The following DAB2IP variants were observed in gnomAD, a reference collection of about 807,000 sequenced individuals.
The protein encoded by DAB2IP is disabled homolog 2-interacting protein.
Under a neutral mutation model 107.2 loss-of-function variants are expected in DAB2IP, and 28 were observed. That is an observed-to-expected ratio of 0.26 (90% CI 0.19 to 0.36). The LOEUF is 0.36. Among genes scored for constraint, DAB2IP ranks in the 10% least tolerant of loss-of-function variants. DAB2IP has a pLI of 1.00. For missense variants in DAB2IP, 1,400 were observed against 1,644.7 expected, an observed-to-expected ratio of 0.85 and a Z score of 2.57; for synonymous variants, 755 against 706.4, an observed-to-expected ratio of 1.07 and a Z score of -1.09.
chr9:121,571,865 T>C (rs1164307853), intron 1 of DAB2IP, among the ~76,000 whole-genome samples: 1 of 151,956 alleles, frequency 6.6e-6, no homozygotes, highest in African/African-American at 2.4e-5. Context: ...AGAGGTTTCT[T>C]TTACAGGACA....
At chr9:121,757,307 G>T in intron 4 of DAB2IP, 141 bp downstream of exon 4, 4 of 1,137,824 alleles carry the variant, frequency 3.5e-6, no homozygotes, top group East Asian at 2.7e-5. Context: ...AGTAGTTACC[G>T]ATAGCTTTCA....
In DAB2IP at chr9:121,635,634, T is replaced by C. The variant is rs1405640061; in HGVS notation, c.41-43044T>C. ...GGGCAACCACAGGAAGGAGGGGCGC[T>C]GAGATGGGAGCGAGGCCTTGGACAA... is the stretch of plus-strand genomic sequence containing the variant. On this transcript the variant is annotated intron_variant, in intron 1 of 16. Transcript: ENST00000259371. This position sits in a 1 kb window ranked among gnomAD's most constrained non-coding sequence, Gnocchi z 4.3. Among the ~76,000 whole-genome samples the C allele has an allele frequency of 6.6e-6, 1 of 152,058 alleles. No homozygotes were observed. The highest frequency in any genetic ancestry group is 1.5e-5 in the Non-Finnish European group (1 of 68,010).
chr9:121,674,815 C>T (rs1412455256), intron 1 of DAB2IP, among the ~76,000 whole-genome samples: 1 of 152,054 alleles, frequency 6.6e-6, no homozygotes, highest in Non-Finnish European at 1.5e-5. Context: ...ACTCCATGCA[C>T]CTCTTGCCTG....
chr9:121,569,359 T>C (rs973860220), intron 1 of DAB2IP, among the ~76,000 whole-genome samples: 8 of 152,156 alleles, frequency 5.3e-5, no homozygotes, highest in African/African-American at 1.9e-4. Context: ...ATGGGGGAAG[T>C]CAAGGCGTGT....
Position 121,783,915 on chromosome 9 carries a change from A to G in DAB2IP, c.*1417A>G, listed in dbSNP as rs1348743536. 1.3e-5 allele frequency: 4 copies of G among 305,608 alleles called. No homozygotes were observed. The East Asian group carries it at 2.5e-4, about 19-fold the overall frequency. The allele number at this position is 305,608 out of a possible 1,614,324, so 18.9% of individuals were successfully genotyped here. A position where few individuals can be genotyped will look rare whatever the true frequency, so the allele number is the denominator to read the frequency against. ...AGATTCTGAGCAAAGGCCCTGGGTA[A>G]GAAGGGTGGGAGTGGGGCCTTTGCC... On this transcript the variant is annotated 3_prime_UTR_variant, in exon 16 of 16. Coordinates refer to ENST00000408936, the Ensembl canonical transcript of DAB2IP.
chr9:121,763,821 C>T lies in DAB2IP; in HGVS notation c.1402C>T (p.Gln468Ter). ...CTCGGCCGCTGACCTCCCAGAGCACCAGGGCAACCTCAAGATGTGCTGCGA... is the reference window on the plus strand; with the variant it reads ...CTCGGCCGCTGACCTCCCAGAGCACTAGGGCAACCTCAAGATGTGCTGCGA... Residue 468 changes from glutamine to a stop codon, truncating the protein, a stop_gained, in exon 8 of 16, where the codon CAG becomes TAG. Transcript: ENST00000408936. LOFTEE classifies it high-confidence loss of function. The T allele has an allele frequency of 6.2e-7, 1 of 1,614,132 alleles. No homozygotes were observed. The highest frequency in any genetic ancestry group is 8.5e-7 in the Non-Finnish European group (1 of 1,180,038).
At chr9:121,784,008 A>G (rs1271322680) in exon 16 of DAB2IP, 1 of 210,102 alleles carries the variant, frequency 4.8e-6, no homozygotes, top group East Asian at 1.0e-4. Flanking sequence ...TGTGCCACAG[A>G]GGCCCCACCT....
intron 3 of DAB2IP, among the ~76,000 whole-genome samples, chr9:121,738,163 C>G (rs1249938938): frequency 6.6e-6 from 1 of 152,162 alleles, no homozygotes; most frequent in Non-Finnish European, 1.5e-5. Flanking sequence ...GCTCAGGGAA[C>G]CAGCATTTGG....
intron 3 of DAB2IP, among the ~76,000 whole-genome samples, chr9:121,752,639 G>A (rs1221575431): frequency 6.6e-6 from 1 of 152,250 alleles, no homozygotes; most frequent in African/African-American, 2.4e-5. Flanking sequence ...CTGGGATGGA[G>A]GGGCCCAGCA....
At chr9:121,781,618 C>A in intron 15 of DAB2IP, 67 bp downstream of exon 15, 1 of 1,482,036 alleles carries the variant, frequency 6.7e-7, no homozygotes, top group South Asian at 1.1e-5. Context: ...GGGTGACTAG[C>A]CTCTCCATCC....
chr9:121,583,841 T>C (rs920623290), intron 1 of DAB2IP, among the ~76,000 whole-genome samples: 1 of 152,196 alleles, frequency 6.6e-6, no homozygotes, highest in African/African-American at 2.4e-5. Flanking sequence ...ACTTCCTTCC[T>C]TGAACCCAGC....
At position 121,774,180 on chromosome 9, in the gene DAB2IP, G is replaced by C. The variant is rs1042168551; in HGVS notation, c.2968-80G>C. The C allele has an allele frequency of 4.2e-6, 6 of 1,415,568 alleles. No homozygotes were observed. In the African/African-American group the frequency reaches 8.9e-5, roughly 21 times the overall value. The allele number at this position is 1,415,568 out of a possible 1,614,324, so 87.7% of individuals were successfully genotyped here. ...CCGTGTCCCAGAGTTGCTTGTCCTTGTGGCTCACCTGGGCCACTCCCGCCC... is the reference window on the plus strand; with the variant it reads ...CCGTGTCCCAGAGTTGCTTGTCCTTCTGGCTCACCTGGGCCACTCCCGCCC... On this transcript the variant is annotated intron_variant, in intron 12 of 15. Transcript: ENST00000408936.
chr9:121,766,696 G>A (rs746020751), exon 9 of DAB2IP: 3 of 1,613,926 alleles, frequency 1.9e-6, no homozygotes, highest in Non-Finnish European at 2.5e-6. Context: ...CACCCTCATC[G>A]CCAAGGTCAC....
intron 1 of DAB2IP, among the ~76,000 whole-genome samples, chr9:121,571,508 C>T (rs763441195): frequency 1.3e-4 from 20 of 152,042 alleles, no homozygotes; most frequent in Middle Eastern, 3.4e-3. Flanking sequence ...GCAAGCTGAG[C>T]TCCTTTAGGG....
chr9:121,645,164 CG>C (rs529920797), intron 1 of DAB2IP, among the ~76,000 whole-genome samples: 20 of 152,304 alleles, frequency 1.3e-4, no homozygotes, highest in African/African-American at 3.8e-4. Flanking sequence ...GGGCTGTGGG[CG>C]TCACTGGGGC....
intron 4 of DAB2IP, among the ~76,000 whole-genome samples, chr9:121,757,606 G>A (rs1467484928): frequency 6.6e-6 from 1 of 151,408 alleles, no homozygotes; most frequent in Non-Finnish European, 1.5e-5. Context: ...GGCATTCTGC[G>A]ACCTGAGGTT....
chr9:121,688,620 C>T (rs948825484), intron 2 of DAB2IP, among the ~76,000 whole-genome samples: 2 of 152,210 alleles, frequency 1.3e-5, no homozygotes, highest in Non-Finnish European at 2.9e-5. Context: ...TACACGCTCC[C>T]TCACGGACTC....
At chr9:121,767,536 C>A (rs1393245818) in intron 9 of DAB2IP, among the ~76,000 whole-genome samples, 1 of 152,168 alleles carries the variant, frequency 6.6e-6, no homozygotes, top group African/African-American at 2.4e-5. Flanking sequence ...GCTGGGCATC[C>A]CAGGGAGGGC....
intron 1 of DAB2IP, among the ~76,000 whole-genome samples, chr9:121,616,124 G>A (rs1010548905): frequency 1.5e-4 from 23 of 152,140 alleles, no homozygotes; most frequent in Middle Eastern, 6.8e-3. Context: ...CCCAAAATTC[G>A]ACCCCACCTT....
Sources: allele counts gnomAD v4.1 joint callset (sites outside exome capture counted in the v4.1 genomes callset), GRCh38; gene constraint gnomAD v4.1.1; non-coding constraint Gnocchi (gnomAD v3.1); transcripts MANE v1.5; gene names NCBI Gene and HGNC (gene_info 2026-07-23, HGNC 2026-07-21).